The following MTMR9 variants were observed in gnomAD, a reference collection of about 807,000 sequenced individuals.
The protein encoded by MTMR9 is myotubularin-related protein 9.
Under a neutral mutation model 69.5 loss-of-function variants are expected in MTMR9, and 39 were observed. That is an observed-to-expected ratio of 0.56 (90% confidence interval 0.43 to 0.73). MTMR9 has a LOEUF of 0.73. Among genes scored for constraint, MTMR9 ranks in the 30% least tolerant of loss-of-function variants. MTMR9 has a pLI of 0.00. For missense variants in MTMR9, 900 were observed against 671.2 expected (o/e 1.34, Z -3.77); for synonymous variants, 354 against 240.8 (o/e 1.47, Z -4.35).
At position 11,309,639 on chromosome 8, in the gene MTMR9, A is replaced by G. The variant is rs201358574; in HGVS notation, c.922A>G (p.Ile308Val). ...KLEASNWLTH[I>V]KEILTTACLA... ...GGAGGCCTCTAACTGGCTGACTCAC[A>G]TCAAAGAGATTCTGACAACTGCCTG... Residue 308 changes from isoleucine (I) to valine (V), a missense_variant, in exon 6 of 10, where the codon ATC becomes GTC. Transcript: ENST00000221086. 106 of 1,613,878 alleles carry G rather than the reference A, an allele frequency of 6.6e-5. No individual in the cohort carries two copies. The highest frequency in any genetic ancestry group is 4.7e-5 in the Non-Finnish European group (55 of 1,179,910).
At chr8:11,295,845 A>G (rs1261068331) in intron 2 of MTMR9, among the ~76,000 whole-genome samples, 1 of 152,200 alleles carries the variant, frequency 6.6e-6, no homozygotes, top group African/African-American at 2.4e-5. Flanking sequence ...CATTACAGTG[A>G]GTAGGTAGGG....
At chr8:11,332,082 C>A (rs62488717), downstream of MTMR9, 2 of 1,554,362 alleles carry the variant, frequency 1.3e-6, no homozygotes, top group Non-Finnish European at 1.7e-6. Flanking sequence ...CATTACAGCC[C>A]GGAACCTCAG....
rs139911371 is a variant in MTMR9 at position 11,289,257 on chromosome 8, T to G, written c.182+4187T>G. On this transcript the variant is annotated intron_variant, in intron 1 of 9. Transcript: ENST00000221086. ...ATGTGTTTTTGAAAGTGGAGCTGCCTTGCCTTGCTGGTGAATTGTAAATGA... is the reference window on the plus strand; with the variant it reads ...ATGTGTTTTTGAAAGTGGAGCTGCCGTGCCTTGCTGGTGAATTGTAAATGA... 8.8e-3 allele frequency among the ~76,000 whole-genome samples: 1,336 copies of G among 152,330 alleles called. 19 individuals are homozygous for G. The highest frequency in any genetic ancestry group is 0.011 in the Non-Finnish European group (730 of 68,024).
the MTMR9 span, among the ~76,000 whole-genome samples, chr8:11,335,885 T>A: frequency 1.6e-3 from 245 of 152,284 alleles, 1 homozygote; most frequent in African/African-American, 5.7e-3. Flanking sequence ...ACATCTGCAA[T>A]AACCCTATTT....
chr8:11,321,917 A>C (rs1321503599), intron 9 of MTMR9, among the ~76,000 whole-genome samples: 1 of 152,196 alleles, frequency 6.6e-6, no homozygotes, highest in Non-Finnish European at 1.5e-5. Context: ...ATCCACTGAC[A>C]TGGTGCAGCC....
intron 2 of MTMR9, 33 bp downstream of exon 2, chr8:11,295,335 A>G (rs375417635): frequency 1.2e-5 from 14 of 1,152,152 alleles, no homozygotes; most frequent in Middle Eastern, 1.9e-4. Context: ...CTAATGAAAC[A>G]TAATTTTATA....
chr8:11,332,436 A>G (rs1050423321), downstream of MTMR9, among the ~76,000 whole-genome samples: 2 of 152,252 alleles, frequency 1.3e-5, no homozygotes, highest in African/African-American at 4.8e-5. Flanking sequence ...GAGTTAAAAG[A>G]CAACTAAATG....
At chr8:11,295,404 C>T (rs1452589042) in intron 2 of MTMR9, 102 bp downstream of exon 2, 3 of 749,414 alleles carry the variant, frequency 4.0e-6, no homozygotes, top group African/African-American at 1.8e-5. Flanking sequence ...TGTTCTCTGA[C>T]TCAAATACTG....
intron 9 of MTMR9, among the ~76,000 whole-genome samples, chr8:11,322,072 A>G (rs1585138010): frequency 6.6e-6 from 1 of 152,284 alleles, no homozygotes; most frequent in East Asian, 1.9e-4. Context: ...GGAAAGAAGA[A>G]ATTGCCTGCA....
intron 2 of MTMR9, among the ~76,000 whole-genome samples, chr8:11,298,445 T>G (rs1194982270): frequency 4.6e-5 from 7 of 152,128 alleles, no homozygotes; most frequent in Non-Finnish European, 1.0e-4. Flanking sequence ...ATATTTTGTT[T>G]TATGAGGTAG....
At chr8:11,310,366 A>T (rs568199091) in intron 6 of MTMR9, among the ~76,000 whole-genome samples, 29 of 152,366 alleles carry the variant, frequency 1.9e-4, no homozygotes, top group African/African-American at 6.7e-4. Context: ...CCACTGAAAC[A>T]GTAGGTAGAT....
the MTMR9 span, among the ~76,000 whole-genome samples, chr8:11,335,496 C>A: frequency 6.6e-6 from 1 of 152,192 alleles, no homozygotes; most frequent in Admixed American, 6.5e-5. Flanking sequence ...TGCTTCCCAT[C>A]TTGATCTAGA....
In MTMR9 at chr8:11,320,093, G is replaced by C. The variant is rs545886438; in HGVS notation, c.1486+255G>C. The C allele has an allele frequency of 5.6e-5, 22 of 392,964 alleles. No individual in the cohort carries two copies. In the South Asian group the frequency reaches 9.3e-4, roughly 17 times the overall value. The allele number at this position is 392,964 out of a possible 1,614,324, so 24.3% of individuals were successfully genotyped here. A position where few individuals can be genotyped will look rare whatever the true frequency, so the allele number is the denominator to read the frequency against. ...GCTGTTTATGTTGGATATTTTTCTA[G>C]ATAAGAAAGTACCTTACTCTTTGCC... On this transcript the variant is annotated intron_variant, in intron 9 of 9. Transcript: ENST00000221086.
At chr8:11,292,854 T>C (rs1329896684) in intron 1 of MTMR9, among the ~76,000 whole-genome samples, 1 of 152,200 alleles carries the variant, frequency 6.6e-6, no homozygotes, top group Non-Finnish European at 1.5e-5. Flanking sequence ...ACAACAAACC[T>C]GGGCTGCCAG....
chr8:11,313,859 C>G (rs537698860), intron 6 of MTMR9, among the ~76,000 whole-genome samples: 1 of 152,306 alleles, frequency 6.6e-6, no homozygotes, highest in East Asian at 1.9e-4. Context: ...GTGAGCATTA[C>G]TAAAATGAGA....
intron 2 of MTMR9, among the ~76,000 whole-genome samples, chr8:11,296,422 C>T (rs979878330): frequency 1.3e-5 from 2 of 152,084 alleles, no homozygotes; most frequent in South Asian, 2.1e-4. Context: ...AACACTTAAC[C>T]GTTTTTAAGT....
chr8:11,295,454 A>G (rs900777240), intron 2 of MTMR9, 152 bp downstream of exon 2: 14 of 585,276 alleles, frequency 2.4e-5, no homozygotes, highest in African/African-American at 1.7e-4. Context: ...TCATCGTCAT[A>G]TGAGTGTAAT....
At chr8:11,310,512 G>T (rs1800154383) in intron 6 of MTMR9, among the ~76,000 whole-genome samples, 1 of 152,124 alleles carries the variant, frequency 6.6e-6, no homozygotes, top group African/African-American at 2.4e-5. Context: ...ATGGGTTGCT[G>T]AAATCATGTG....
chr8:11,292,408 C>T (rs1037467412), intron 1 of MTMR9, among the ~76,000 whole-genome samples: 8 of 152,152 alleles, frequency 5.3e-5, no homozygotes, highest in Non-Finnish European at 1.2e-4. Flanking sequence ...TAAGAAGCTG[C>T]CCCAACTGTT....
Sources: gnomAD v4.1 joint callset for allele counts (sites outside exome capture counted in the v4.1 genomes callset) on GRCh38, gnomAD v4.1.1 for gene constraint, MANE v1.5 for transcripts, NCBI Gene and HGNC (gene_info 2026-07-23, HGNC 2026-07-21) for gene names.